CNTNAP3B: variants seen among roughly 807,000 people sequenced by gnomAD.
The protein encoded by CNTNAP3B is contactin associated protein family member 3B.
In CNTNAP3B, 25 loss-of-function variants were observed where a neutral mutation model predicts 108.9. The ratio of observed to expected loss-of-function variants is 0.23; its 90% CI spans 0.17 to 0.32. The LOEUF (loss-of-function observed/expected upper bound fraction) is 0.32. Ranked by LOEUF, CNTNAP3B falls within the 10% of genes least tolerant of loss-of-function variation. CNTNAP3B has a pLI of 1.00. For missense variants in CNTNAP3B, 252 were observed against 1,210.4 expected (o/e 0.21, Z 11.75); for synonymous variants, 103 against 473.4 (o/e 0.22, Z 10.16).
intron 3 of CNTNAP3B, among the ~76,000 whole-genome samples, chr9:42,068,216 GAT>G (rs1442520651): frequency 4.8e-5 from 3 of 62,470 alleles, no homozygotes; most frequent in Non-Finnish European, 8.8e-5. Flanking sequence ...GAACTAGAGA[GAT>G]ATCTGAGGAT....
chr9:41,939,115 A>T (rs1824250654), intron 13 of CNTNAP3B, among the ~76,000 whole-genome samples: 2 of 152,300 alleles, frequency 1.3e-5, no homozygotes, highest in Admixed American at 1.3e-4. Flanking sequence ...GCATATTAGG[A>T]CAAGGGATGC....
intron 13 of CNTNAP3B, among the ~76,000 whole-genome samples, chr9:41,940,013 GA>G (rs938025787): frequency 1.3e-5 from 2 of 152,300 alleles, no homozygotes; most frequent in Non-Finnish European, 2.9e-5. Context: ...AGAATAGAGT[GA>G]AAAGACACAG....
chr9:41,953,503 T>C (rs1824762805), intron 12 of CNTNAP3B, 117 bp from the exon 13 acceptor site: 1 of 1,240,534 alleles, frequency 8.1e-7, no homozygotes, highest in African/African-American at 1.5e-5. Flanking sequence ...ACTGCATGTT[T>C]GCCGCGATTT....
chr9:42,080,561 G>A (rs62558913), intron 2 of CNTNAP3B, among the ~76,000 whole-genome samples: 1,874 of 135,476 alleles, frequency 0.014, 245 homozygotes, highest in South Asian at 0.056. Flanking sequence ...GGTATAGAAG[G>A]CCACTATGGG....
chr9:42,045,734 C>T (rs1826859227), intron 3 of CNTNAP3B, among the ~76,000 whole-genome samples: 1 of 147,866 alleles, frequency 6.8e-6, no homozygotes, highest in Non-Finnish European at 1.5e-5. Flanking sequence ...GGTCTAATGT[C>T]TTAATATTGG....
In CNTNAP3B at chr9:41,919,185, A is replaced by C. The variant is rs1471715231; in HGVS notation, c.2995+885T>G. ...AGTCTCACTCTGTCGCCCAGGAGTG[A>C]GTGCAGTGGTGCGATCTCGACTCAC... On this transcript the variant is annotated intron_variant, in intron 18 of 23. Transcript: ENST00000377561. 2.0e-5 allele frequency among the ~76,000 whole-genome samples: 3 copies of C among 151,904 alleles called. No homozygotes were observed. In the East Asian group the frequency reaches 5.8e-4, roughly 29 times the overall value.
At chr9:41,946,452 G>A (rs1824537815) in intron 13 of CNTNAP3B, among the ~76,000 whole-genome samples, 2 of 55,180 alleles carry the variant, frequency 3.6e-5, no homozygotes, top group South Asian at 1.0e-3. Flanking sequence ...CAGAAAGAGA[G>A]CTGAAATATC....
chr9:41,923,741 G>A (rs1823731161), intron 16 of CNTNAP3B, 182 bp downstream of exon 16: 1 of 1,204,930 alleles, frequency 8.3e-7, no homozygotes, highest in Non-Finnish European at 1.1e-6. Context: ...CAGCATGAGT[G>A]ACACAGCAAA....
At chr9:41,979,944 C>CTTTTTTTTTTTTT (rs1214654461) in intron 9 of CNTNAP3B, 1 of 42,404 alleles carries the variant, frequency 2.4e-5, no homozygotes, top group Non-Finnish European at 3.6e-5. Flanking sequence ...TTGAGGAAAC[C>CTTTTTTTTTTTTT]TTTTTTTTTT....
chr9:42,118,069 G>C (rs1177451344), intron 1 of CNTNAP3B, among the ~76,000 whole-genome samples: 1 of 134,612 alleles, frequency 7.4e-6, no homozygotes, highest in Admixed American at 7.4e-5. Flanking sequence ...AGGACCAGAT[G>C]GATTCACAGC....
At chr9:41,987,232 G>A (rs1490722365) in intron 8 of CNTNAP3B, among the ~76,000 whole-genome samples, 3 of 118,468 alleles carry the variant, frequency 2.5e-5, no homozygotes, top group Non-Finnish European at 1.7e-5. Context: ...AGGCTGAGGC[G>A]GGCAGATCAC....
intron 2 of CNTNAP3B, among the ~76,000 whole-genome samples, chr9:42,098,732 C>G (rs1355737025): frequency 8.1e-6 from 1 of 123,488 alleles, no homozygotes; most frequent in African/African-American, 3.3e-5. Flanking sequence ...TCACTGAATA[C>G]AAGTAAATTA....
chr9:41,959,550 C>T (rs1258973612), intron 12 of CNTNAP3B, among the ~76,000 whole-genome samples: 2 of 152,308 alleles, frequency 1.3e-5, no homozygotes, highest in Non-Finnish European at 2.9e-5. Context: ...TTTTGATATC[C>T]ACCAAGACCA....
At chr9:41,922,315 T>C (rs1823691070) in intron 17 of CNTNAP3B, among the ~76,000 whole-genome samples, 1 of 130,346 alleles carries the variant, frequency 7.7e-6, no homozygotes, top group African/African-American at 3.1e-5. Context: ...AATACAAAAA[T>C]TAGCCAGGCG....
At chr9:42,054,773 G>A (rs1295271463) in intron 3 of CNTNAP3B, among the ~76,000 whole-genome samples, 1 of 151,578 alleles carries the variant, frequency 6.6e-6, no homozygotes, top group Non-Finnish European at 1.5e-5. Flanking sequence ...ACTAATAAAT[G>A]TTACAAAGTT....
At chr9:41,936,985 A>G (rs1372204380) in intron 14 of CNTNAP3B, among the ~76,000 whole-genome samples, 29 of 152,348 alleles carry the variant, frequency 1.9e-4, no homozygotes, top group African/African-American at 5.5e-4. Context: ...TGCCAAATAA[A>G]TAAGTGGACT....
chr9:42,112,868 G>GTTTTTT (rs61267342), intron 1 of CNTNAP3B, among the ~76,000 whole-genome samples: 2 of 95,516 alleles, frequency 2.1e-5, no homozygotes, highest in African/African-American at 8.8e-5. Context: ...AGTTTACAGA[G>GTTTTTT]TTTTTTTTTT....
intron 14 of CNTNAP3B, among the ~76,000 whole-genome samples, chr9:41,935,951 C>T (rs1486488044): frequency 2.6e-5 from 4 of 152,282 alleles, no homozygotes; most frequent in African/African-American, 9.6e-5. Flanking sequence ...AAACTCAGTT[C>T]ATGGGAGGGT....
chr9:42,124,948 T>G (rs1447544885), intron 1 of CNTNAP3B, among the ~76,000 whole-genome samples: 1 of 137,644 alleles, frequency 7.3e-6, no homozygotes, highest in African/African-American at 2.9e-5. Context: ...TTATTCTGAG[T>G]TTTTCTATTG....
Sources: gnomAD v4.1 joint callset for allele counts (sites outside exome capture counted in the v4.1 genomes callset) on GRCh38, gnomAD v4.1.1 for gene constraint, MANE v1.5 for transcripts, NCBI Gene and HGNC (gene_info 2026-07-23, HGNC 2026-07-21) for gene names.